CCP110: variants seen among roughly 807,000 people sequenced by gnomAD.
CCP110 encodes the protein centriolar coiled-coil protein 110, also known as centriolar coiled-coil protein of 110 kDa.
In CCP110, 43 loss-of-function variants were observed where a neutral mutation model predicts 105.5. The ratio of observed to expected loss-of-function variants is 0.41; its 90% CI spans 0.32 to 0.53. The LOEUF (loss-of-function observed/expected upper bound fraction) is 0.53, where lower values mean the gene tolerates loss of function less well. Among genes scored for constraint, CCP110 ranks in the 20% least tolerant of loss-of-function variants. CCP110 has a pLI of 0.32. For synonymous variants in CCP110, 353 were observed against 392.1 expected (o/e 0.90, Z 1.18); for missense variants, 1,016 against 1,189.1 (o/e 0.85, Z 2.14).
chr16:19,543,218 A>C (rs920853476), intron 8 of CCP110, among the ~76,000 whole-genome samples: 2 of 152,228 alleles, frequency 1.3e-5, no homozygotes, highest in Non-Finnish European at 2.9e-5. Flanking sequence ...TTTCATTTTA[A>C]TATGGACATA....
At chr16:19,534,537 G>C (rs558577321) in intron 3 of CCP110, among the ~76,000 whole-genome samples, 59 of 152,076 alleles carry the variant, frequency 3.9e-4, no homozygotes, top group Non-Finnish European at 7.6e-4. Flanking sequence ...AATATTTTAC[G>C]TAAGGAAATC....
rs1157442340 is a variant in CCP110, at chr16:19,536,792, A to G, written c.1123A>G (p.Met375Val). 20 of 1,614,088 alleles carry G rather than the reference A, an allele frequency of 1.2e-5. 1 individual carries two copies. Among genetic ancestry groups the G allele is most frequent in the Middle Eastern group, 3.3e-4 (2 of 6,084 alleles). Reference sequence around the variant, plus strand: ...TCCAGAGCCAAGTATGAGTCCTAAAATGCACCGAAGACGTTCCAGGACATC... The same window carrying G: ...TCCAGAGCCAAGTATGAGTCCTAAAGTGCACCGAAGACGTTCCAGGACATC... The change falls in exon 4 of 15, where the codon ATG (methionine) becomes GTG (valine). Residue 375 changes from methionine to valine, a missense_variant. Coordinates refer to ENST00000381396, the Ensembl canonical transcript of CCP110.
chr16:19,530,770 A>G (rs540770992), intron 2 of CCP110, among the ~76,000 whole-genome samples: 2 of 152,080 alleles, frequency 1.3e-5, no homozygotes, highest in Non-Finnish European at 2.9e-5. Flanking sequence ...CCTGGCCAAC[A>G]TGGCGAAACC....
At chr16:19,553,117 T>C (rs1970693556) in exon 15 of CCP110, 2 of 152,186 alleles carry the variant, frequency 1.3e-5, no homozygotes. Flanking sequence ...ACAAATAGTT[T>C]TGGAGAAAGT....
chr16:19,542,827 G>C (rs373651701), intron 7 of CCP110, 51 bp from the exon 8 acceptor site: 131 of 1,530,206 alleles, frequency 8.6e-5, no homozygotes, highest in Non-Finnish European at 1.1e-4. Context: ...TATTATCTTA[G>C]ACTGTATAAA....
At chr16:19,547,994 T>C in exon 13 of CCP110, 3 of 1,611,574 alleles carry the variant, frequency 1.9e-6, no homozygotes, top group Non-Finnish European at 2.5e-6. Context: ...CACCTGTTCA[T>C]AGGCTACTTA....
chr16:19,536,950 G>A, exon 4 of CCP110: 2 of 1,614,210 alleles, frequency 1.2e-6, no homozygotes, highest in Non-Finnish European at 1.7e-6. Context: ...TTATGCCAAA[G>A]TTACCAACTG....
At chr16:19,536,540 G>A in exon 4 of CCP110, 1 of 1,614,108 alleles carries the variant, frequency 6.2e-7, no homozygotes, top group East Asian at 2.2e-5. Context: ...AGTTATTCCT[G>A]ACAAACCAAG....
chr16:19,548,244 TTTCATACCATTTTA>T lies in CCP110; in HGVS notation c.2900+231_2900+244del. ...TAAGTTGGGATGTTTTTACTTTTCA[TTTCATACCATTTTA>T]CTCATAAAGTATTTTAAATATCCAT... On this transcript the variant is annotated intron_variant, in intron 13 of 14. Coordinates refer to ENST00000381396, the Ensembl canonical transcript of CCP110. This position sits in a 1 kb window ranked among gnomAD's most constrained non-coding sequence, Gnocchi z 4.1. 1 of 580,162 alleles carries T rather than the reference TTTCATACCATTTTA, an allele frequency of 1.7e-6. No homozygotes were observed. 35.9% of individuals were successfully genotyped at this position (580,162 alleles called of 1,614,324 possible). A position where few individuals can be genotyped will look rare whatever the true frequency, so the allele number is the denominator to read the frequency against.
In CCP110 at chr16:19,538,683, A is replaced by G. The variant is rs969429780; in HGVS notation, c.1918+1096A>G. Among the ~76,000 whole-genome samples, 7 of 152,252 alleles carry G rather than the reference A, an allele frequency of 4.6e-5. No homozygotes were observed. The East Asian group carries it at 1.2e-3, about 25-fold the overall frequency. ...TGCTATGAGGTCTTTCTTTTGGACTATAGTTTCTAATGTTTATTTCAGTTT... is the reference window on the plus strand; with the variant it reads ...TGCTATGAGGTCTTTCTTTTGGACTGTAGTTTCTAATGTTTATTTCAGTTT... On this transcript the variant is annotated intron_variant, in intron 4 of 14. Coordinates refer to ENST00000381396, the Ensembl canonical transcript of CCP110.
At chr16:19,539,280 AC>A (rs5816056) in intron 4 of CCP110, among the ~76,000 whole-genome samples, 19,710 of 151,984 alleles carry the variant, frequency 0.13, 1,427 homozygotes, top group Admixed American at 0.18. Context: ...TAGAAGACAT[AC>A]AAATCAAGTA....
Position 19,548,119 on chromosome 16 carries a change from A to G in CCP110, c.2900+105A>G. The G allele has an allele frequency of 1.2e-6, 1 of 866,864 alleles. No homozygotes were observed. The allele number at this position is 866,864 out of a possible 1,614,324, so 53.7% of individuals were successfully genotyped here. On this transcript the variant is annotated intron_variant, in intron 13 of 14. Transcript: ENST00000381396. The surrounding 1 kb of genome is among the most constrained non-coding windows in gnomAD (Gnocchi z 4.1). ...TTATGTAAAGGATAATGGTTTTTCA[A>G]TGGGATTTTTTTTCTTTATAGCATT...
intron 1 of CCP110, chr16:19,525,617 TG>T (rs1969643358): frequency 6.6e-6 from 1 of 152,232 alleles, no homozygotes; most frequent in African/African-American, 2.4e-5. Flanking sequence ...CACTCTTCCT[TG>T]CTAGCTTCGG....
At chr16:19,543,069 GA>G in intron 8 of CCP110, 75 bp downstream of exon 8, 2 of 829,794 alleles carry the variant, frequency 2.4e-6, no homozygotes, top group Non-Finnish European at 4.0e-6. Flanking sequence ...TGAGCTAACA[GA>G]TTAGTTCAGA....
At chr16:19,540,145 T>C (rs1266387890) in intron 4 of CCP110, among the ~76,000 whole-genome samples, 1 of 152,220 alleles carries the variant, frequency 6.6e-6, no homozygotes, top group Non-Finnish European at 1.5e-5. Flanking sequence ...GCTTGTATTG[T>C]CATAATGTTT....
chr16:19,535,100 T>C (rs1970004128), intron 3 of CCP110, among the ~76,000 whole-genome samples: 1 of 152,080 alleles, frequency 6.6e-6, no homozygotes. Context: ...CAGGATGATC[T>C]TGATCTCCTG....
intron 1 of CCP110, chr16:19,525,257 G>T (rs1250570044): frequency 1.3e-5 from 2 of 152,114 alleles, no homozygotes; most frequent in Admixed American, 6.5e-5. Context: ...AGTCTACGGG[G>T]TTTGCAAAGA....
intron 2 of CCP110, among the ~76,000 whole-genome samples, chr16:19,529,292 CTT>C (rs1349979189): frequency 6.6e-6 from 1 of 152,088 alleles, no homozygotes; most frequent in African/African-American, 2.4e-5. Context: ...ATGCATATGA[CTT>C]TATTTTAAAT....
exon 15 of CCP110, chr16:19,552,469 G>C (rs1970672072): frequency 6.7e-6 from 1 of 150,230 alleles, no homozygotes; most frequent in Non-Finnish European, 1.5e-5. Flanking sequence ...AGAGGTTGCA[G>C]TGAGCTGAGA....
Sources: gnomAD v4.1 joint callset for allele counts (sites outside exome capture counted in the v4.1 genomes callset) on GRCh38, gnomAD v4.1.1 for gene constraint, Gnocchi (gnomAD v3.1) non-coding constraint, MANE v1.5 for transcripts, NCBI Gene and HGNC (gene_info 2026-07-23, HGNC 2026-07-21) for gene names.